PDGFC: variants seen among roughly 807,000 people sequenced by gnomAD.
PDGFC encodes platelet-derived growth factor C.
Under a neutral mutation model 35.5 loss-of-function variants are expected in PDGFC, and 12 were observed. The ratio of observed to expected loss-of-function variants is 0.34; its 90% CI spans 0.22 to 0.55. PDGFC has a LOEUF of 0.55. Among genes scored for constraint, PDGFC ranks in the 20% least tolerant of loss-of-function variants. PDGFC has a pLI of 0.91. For synonymous variants in PDGFC, 159 were observed against 148.8 expected, an observed-to-expected ratio of 1.07 and a Z score of -0.50; for missense variants, 322 against 412.4, an observed-to-expected ratio of 0.78 and a Z score of 1.90.
intron 1 of PDGFC, among the ~76,000 whole-genome samples, chr4:156,914,607 T>C (rs1731115496): frequency 6.6e-6 from 1 of 152,186 alleles, no homozygotes; most frequent in African/African-American, 2.4e-5. Flanking sequence ...ATCCACTAGG[T>C]TACTCTAATC....
intron 1 of PDGFC, among the ~76,000 whole-genome samples, chr4:156,860,058 G>A (rs1729673942): frequency 6.6e-6 from 1 of 152,204 alleles, no homozygotes; most frequent in Non-Finnish European, 1.5e-5. Context: ...AAGAGGAGTT[G>A]AGACAGAATG....
intron 3 of PDGFC, 142 bp from the exon 4 acceptor site, chr4:156,773,035 C>T: frequency 1.6e-6 from 1 of 607,002 alleles, no homozygotes; most frequent in Non-Finnish European, 2.9e-6. Context: ...AATAACTACT[C>T]TGCAAAGACT....
chr4:156,822,663 G>A (rs1470362946), intron 2 of PDGFC, among the ~76,000 whole-genome samples: 2 of 152,280 alleles, frequency 1.3e-5, no homozygotes, highest in East Asian at 1.9e-4. Flanking sequence ...TTAGACATAT[G>A]CAGAGATTAT....
intron 1 of PDGFC, among the ~76,000 whole-genome samples, chr4:156,865,229 T>C (rs1348361110): frequency 8.1e-5 from 12 of 148,936 alleles, no homozygotes; most frequent in Non-Finnish European, 1.2e-4. Flanking sequence ...TACAAACACA[T>C]ACACAAAGTG....
intron 1 of PDGFC, among the ~76,000 whole-genome samples, chr4:156,880,025 A>G (rs1730204828): frequency 6.6e-6 from 1 of 152,338 alleles, no homozygotes; most frequent in Admixed American, 6.5e-5. Context: ...ATGAGGTTCA[A>G]GAAAAGAAGC....
At chr4:156,904,174 T>C (rs1325777677) in intron 1 of PDGFC, among the ~76,000 whole-genome samples, 1 of 152,106 alleles carries the variant, frequency 6.6e-6, no homozygotes, top group Non-Finnish European at 1.5e-5. Flanking sequence ...TCAGTGAATC[T>C]TTCATTGGAC....
intron 1 of PDGFC, among the ~76,000 whole-genome samples, chr4:156,896,176 T>C (rs532937570): frequency 6.6e-6 from 1 of 152,322 alleles, no homozygotes; most frequent in East Asian, 1.9e-4. Flanking sequence ...TAGAGTATAA[T>C]TTAATCCTTA....
intron 1 of PDGFC, among the ~76,000 whole-genome samples, chr4:156,952,928 CT>C (rs1732117660): frequency 6.6e-6 from 1 of 151,836 alleles, no homozygotes; most frequent in Non-Finnish European, 1.5e-5. Context: ...TTTGTTTTCT[CT>C]TTCATCTAGG....
intron 1 of PDGFC, among the ~76,000 whole-genome samples, chr4:156,880,442 G>GA (rs1406466474): frequency 1.3e-5 from 2 of 151,930 alleles, no homozygotes; most frequent in Non-Finnish European, 2.9e-5. Flanking sequence ...TACTCAGAAA[G>GA]AAAAAAAGAT....
chr4:156,935,029 C>T lies in PDGFC; in HGVS notation c.118+35757G>A, dbSNP rs985665313. ...TGTTTGTTTTTCAGATGGAGTCTCG[C>T]TCTGTCCCCAGGATGGAGTGCAGTG... On this transcript the variant is annotated intron_variant, in intron 1 of 5. Transcript: ENST00000502773. Among the ~76,000 whole-genome samples the T allele has an allele frequency of 2.0e-5, 3 of 152,154 alleles. No homozygotes were observed. The East Asian group carries it at 5.8e-4, about 29-fold the overall frequency.
intron 1 of PDGFC, among the ~76,000 whole-genome samples, chr4:156,906,629 T>C (rs528939875): frequency 1.3e-5 from 2 of 152,264 alleles, no homozygotes; most frequent in Admixed American, 6.5e-5. Flanking sequence ...TTTAAAAATC[T>C]TGAGCACGGA....
chr4:156,836,242 T>A (rs551934149), intron 2 of PDGFC, among the ~76,000 whole-genome samples: 5 of 151,870 alleles, frequency 3.3e-5, no homozygotes, highest in Non-Finnish European at 4.4e-5. Flanking sequence ...AGCCAGGGGG[T>A]GGGTGATATG....
At chr4:156,799,772 T>C (rs1336159111) in intron 3 of PDGFC, among the ~76,000 whole-genome samples, 1 of 152,214 alleles carries the variant, frequency 6.6e-6, no homozygotes, top group African/African-American at 2.4e-5. Flanking sequence ...ATTTTTACTT[T>C]TTCTTAGACT....
intron 1 of PDGFC, among the ~76,000 whole-genome samples, chr4:156,943,444 C>A (rs145551867): frequency 6.6e-6 from 1 of 152,012 alleles, no homozygotes; most frequent in East Asian, 1.9e-4. Flanking sequence ...AGGCCCCACC[C>A]GCAAGCCTAC....
chr4:156,966,542 G>T (rs898717564), intron 1 of PDGFC, among the ~76,000 whole-genome samples: 2 of 151,828 alleles, frequency 1.3e-5, no homozygotes, highest in African/African-American at 4.8e-5. Context: ...TCCACAAAGG[G>T]TGCAAAAGTT....
rs191125842 is a variant in PDGFC at position 156,890,441 on chromosome 4, G to A, written c.119-40025C>T. Among the ~76,000 whole-genome samples, 310 of 152,214 alleles carry A rather than the reference G, an allele frequency of 2.0e-3. 1 individual carries two copies. Among genetic ancestry groups the A allele is most frequent in the African/African-American group, 5.6e-3 (233 of 41,544 alleles). ...GCTTCAGCACTTGGCACGCGCTGCC[G>A]TCTCTGTTTCGAATGCCCTTTCCCA... On this transcript the variant is annotated intron_variant, in intron 1 of 5. Coordinates refer to ENST00000502773, the MANE Select transcript of PDGFC (RefSeq NM_016205.3).
At chr4:156,812,003 T>A (rs1013824925) in intron 2 of PDGFC, among the ~76,000 whole-genome samples, 3 of 152,110 alleles carry the variant, frequency 2.0e-5, no homozygotes, top group African/African-American at 7.2e-5. Context: ...ACAGTTCATC[T>A]AACTATAAAC....
At chr4:156,956,525 C>A (rs1732214319) in intron 1 of PDGFC, among the ~76,000 whole-genome samples, 1 of 151,970 alleles carries the variant, frequency 6.6e-6, no homozygotes, top group Non-Finnish European at 1.5e-5. Context: ...TGACATTAAC[C>A]TCCTGCAAAT....
rs565482362 is a variant in PDGFC at position 156,881,682 on chromosome 4, T to A, written c.119-31266A>T. Among the ~76,000 whole-genome samples, 3 of 151,752 alleles carry A rather than the reference T, an allele frequency of 2.0e-5. No individual in the cohort carries two copies. In the South Asian group the frequency reaches 6.3e-4, roughly 32 times the overall value. ...CCTGTCTCTACTAAAAATACAAAATTAGTGGGGCATGCTGGCATGTGCCTG... is the reference window on the plus strand; with the variant it reads ...CCTGTCTCTACTAAAAATACAAAATAAGTGGGGCATGCTGGCATGTGCCTG... On this transcript the variant is annotated intron_variant, in intron 1 of 5. Transcript: ENST00000502773.
Sources: gnomAD v4.1 joint callset for allele counts (sites outside exome capture counted in the v4.1 genomes callset) on GRCh38, gnomAD v4.1.1 for gene constraint, MANE v1.5 for transcripts, NCBI Gene and HGNC (gene_info 2026-07-23, HGNC 2026-07-21) for gene names.